Variants in SPSB4 observed in about 807,000 individuals in gnomAD.
The protein encoded by SPSB4 is splA/ryanodine receptor domain and SOCS box containing 4, also known as SPRY domain-containing SOCS box protein 4.
Under a neutral mutation model 20.9 loss-of-function variants are expected in SPSB4, and 21 were observed. The observed-to-expected ratio is 1.01, with a 90% CI of 0.71 to 1.45. The LOEUF (loss-of-function observed/expected upper bound fraction) is 1.45, where lower values mean the gene tolerates loss of function less well. Among genes scored for constraint, SPSB4 ranks in the 40% most tolerant of loss-of-function variants. The probability of loss-of-function intolerance (pLI) is 0.00; values close to 1 mark genes in which losing one functional copy is unlikely to be tolerated. For synonymous variants in SPSB4, 207 were observed against 183.8 expected (o/e 1.13, Z -1.02); for missense variants, 399 against 399.2 (o/e 1.00, Z 0.00).
At chr3:141,054,228 A>C (rs1936143411) in intron 1 of SPSB4, among the ~76,000 whole-genome samples, 1 of 152,138 alleles carries the variant, frequency 6.6e-6, no homozygotes, top group Non-Finnish European at 1.5e-5. Context: ...CATGCTCTAG[A>C]AAGGTTTTTT....
intron 1 of SPSB4, among the ~76,000 whole-genome samples, chr3:141,052,678 G>A (rs1296477482): frequency 6.6e-6 from 1 of 152,162 alleles, no homozygotes; most frequent in Non-Finnish European, 1.5e-5. Context: ...CGCCTGGCCC[G>A]AGAGCGACTC....
At chr3:141,113,891 T>TTTG (rs1938844750) in intron 2 of SPSB4, among the ~76,000 whole-genome samples, 1 of 152,070 alleles carries the variant, frequency 6.6e-6, no homozygotes, top group Admixed American at 6.5e-5. Flanking sequence ...AGTCCAGGAG[T>TTTG]TTGAGACCAG....
chr3:141,097,890 C>T (rs966703403), intron 2 of SPSB4, among the ~76,000 whole-genome samples: 2 of 152,086 alleles, frequency 1.3e-5, no homozygotes, highest in Non-Finnish European at 2.9e-5. Flanking sequence ...AATGAATAGC[C>T]ATTGTATTGG....
intron 2 of SPSB4, among the ~76,000 whole-genome samples, chr3:141,074,809 G>T (rs1038676584): frequency 4.6e-5 from 7 of 152,206 alleles, no homozygotes; most frequent in Non-Finnish European, 8.8e-5. Context: ...CGAAAATAGT[G>T]ACTTGGTCTA....
intron 2 of SPSB4, among the ~76,000 whole-genome samples, chr3:141,094,776 C>G (rs1938517712): frequency 7.2e-6 from 1 of 139,372 alleles, no homozygotes; most frequent in Admixed American, 7.0e-5. Flanking sequence ...GCCCCCCGCC[C>G]CCCGCCCCTT....
intron 2 of SPSB4, among the ~76,000 whole-genome samples, chr3:141,130,349 A>C (rs2107804286): frequency 6.6e-6 from 1 of 152,300 alleles, no homozygotes; most frequent in East Asian, 1.9e-4. Context: ...GGGGCATGAA[A>C]GCAATTCTGA....
At chr3:141,117,076 A>T (rs566684345) in intron 2 of SPSB4, 117 of 152,338 alleles carry the variant, frequency 7.7e-4, no homozygotes, top group African/African-American at 2.6e-3. Context: ...CTGGATGTCC[A>T]GTCCTCAGCT....
intron 2 of SPSB4, among the ~76,000 whole-genome samples, chr3:141,122,107 T>C (rs1465821794): frequency 1.3e-5 from 2 of 152,196 alleles, no homozygotes; most frequent in Non-Finnish European, 2.9e-5. Context: ...TTGGTGTGGA[T>C]GTGCTTTTTG....
Position 141,115,671 on chromosome 3 carries a change from G to A in SPSB4, c.695-31471G>A, listed in dbSNP as rs538585102. ...CAAAAAATCATTTGCCTTGAAACTA[G>A]AAGCGGAAGTAAAGTAGCTGTTTTT... On this transcript the variant is annotated intron_variant, in intron 2 of 2. Transcript: ENST00000310546. 2.6e-5 allele frequency among the ~76,000 whole-genome samples: 4 copies of A among 152,326 alleles called. No individual in the cohort carries two copies. In the South Asian group the frequency reaches 8.3e-4, roughly 32 times the overall value.
chr3:141,084,554 C>T (rs1227719933), intron 2 of SPSB4, among the ~76,000 whole-genome samples: 1 of 152,228 alleles, frequency 6.6e-6, no homozygotes. Context: ...ACTTGGTGAT[C>T]CCAGCCCGGG....
rs181039560 is a variant in SPSB4 at position 141,051,620 on chromosome 3, C to A, written c.-526C>A. The A allele has an allele frequency of 2.0e-5, 3 of 151,212 alleles. No homozygotes were observed. The highest frequency in any genetic ancestry group is 2.0e-4 in the East Asian group (1 of 4,982). 9.4% of individuals were successfully genotyped at this position (151,212 alleles called of 1,614,324 possible). A position where few individuals can be genotyped will look rare whatever the true frequency, so the allele number is the denominator to read the frequency against. ...GCCAGCGGCCGAGGCGCGGCCCGTG[C>A]GCCCTGAGCGCGGGACTCGTCGCCC... On this transcript the variant is annotated 5_prime_UTR_variant, in exon 1 of 3. Transcript: ENST00000310546.
intron 2 of SPSB4, among the ~76,000 whole-genome samples, chr3:141,134,792 G>A (rs1057320619): frequency 2.0e-5 from 3 of 151,360 alleles, no homozygotes; most frequent in Non-Finnish European, 4.4e-5. Context: ...TTTTTGTTAT[G>A]TCCTTTCCCG....
intron 2 of SPSB4, among the ~76,000 whole-genome samples, chr3:141,127,060 A>G (rs1363461839): frequency 6.6e-6 from 1 of 152,264 alleles, no homozygotes; most frequent in East Asian, 1.9e-4. Flanking sequence ...AGAAGACCCA[A>G]CAGTGGTCCA....
intron 2 of SPSB4, among the ~76,000 whole-genome samples, chr3:141,112,422 G>A (rs1392952617): frequency 2.6e-5 from 4 of 151,684 alleles, no homozygotes; most frequent in African/African-American, 9.7e-5. Context: ...GAGGCGGGCG[G>A]ATCACGAGGT....
At position 141,147,182 on chromosome 3, in the gene SPSB4, C is replaced by T. The variant is rs1261532372; in HGVS notation, c.735C>T (p.Ile245=). 6.2e-7 allele frequency: 1 copy of T among 1,614,246 alleles called. No homozygotes were observed. The highest frequency in any genetic ancestry group is 8.5e-7 in the Non-Finnish European group (1 of 1,180,044). Residue 245 remains isoleucine, a synonymous_variant, in exon 3 of 3, where the codon ATC becomes ATT. Coordinates refer to ENST00000310546, the MANE Select transcript of SPSB4 (RefSeq NM_080862.3). The stretch of plus-strand genomic sequence containing the variant: ...TGATGGACCTGTGCCGGAGATCCAT[C>T]CGCTCGGCCCTGGGCCGCCAGCGCC... ...LPLMDLCRRS[I]RSALGRQRLQ...
At chr3:141,092,097 C>G (rs1938461620) in intron 2 of SPSB4, among the ~76,000 whole-genome samples, 1 of 152,192 alleles carries the variant, frequency 6.6e-6, no homozygotes. Flanking sequence ...TTGTGGGAAG[C>G]AGAATGTCAG....
chr3:141,139,167 T>C (rs985317344), intron 2 of SPSB4, among the ~76,000 whole-genome samples: 2 of 152,198 alleles, frequency 1.3e-5, no homozygotes, highest in Non-Finnish European at 2.9e-5. Flanking sequence ...CCCCTGCCTT[T>C]TTTTATTTTC....
chr3:141,079,180 G>A (rs1938175748), intron 2 of SPSB4, among the ~76,000 whole-genome samples: 2 of 151,398 alleles, frequency 1.3e-5, no homozygotes, highest in African/African-American at 4.9e-5. Context: ...AGGATGGCGT[G>A]AACCCGGCAG....
chr3:141,121,924 C>T (rs1329322710), intron 2 of SPSB4, among the ~76,000 whole-genome samples: 1 of 152,202 alleles, frequency 6.6e-6, no homozygotes, highest in African/African-American at 2.4e-5. Flanking sequence ...GTCAACTTGT[C>T]AAACTCATTC....
Sources: gnomAD v4.1 joint callset for allele counts (sites outside exome capture counted in the v4.1 genomes callset) on GRCh38, gnomAD v4.1.1 for gene constraint, MANE v1.5 for transcripts, NCBI Gene and HGNC (gene_info 2026-07-23, HGNC 2026-07-21) for gene names.